The following ADAMTS17 variants were observed in gnomAD, a reference collection of about 807,000 sequenced individuals.
ADAMTS17 encodes the protein ADAM metallopeptidase with thrombospondin type 1 motif 17, also known as A disintegrin and metalloproteinase with thrombospondin motifs 17.
ADAMTS17 carries 113 observed loss-of-function variants against 141.5 expected under a neutral mutation model. The ratio of observed to expected loss-of-function variants is 0.80; its 90% CI spans 0.69 to 0.93. The LOEUF is 0.93. Among genes scored for constraint, ADAMTS17 ranks in the 40% least tolerant of loss-of-function variants. ADAMTS17 has a pLI of 0.00. For missense variants in ADAMTS17, 1,659 were observed against 1,517.9 expected (o/e 1.09, Z -1.54); for synonymous variants, 768 against 630.6 (o/e 1.22, Z -3.27).
intron 4 of ADAMTS17, among the ~76,000 whole-genome samples, chr15:100,268,190 T>C (rs1405956807): frequency 6.6e-6 from 1 of 152,206 alleles, no homozygotes; most frequent in Non-Finnish European, 1.5e-5. Context: ...TTCTTTTATC[T>C]AGTTTACCAC....
At chr15:100,216,074 G>C (rs2041959955) in intron 7 of ADAMTS17, among the ~76,000 whole-genome samples, 2 of 152,204 alleles carry the variant, frequency 1.3e-5, no homozygotes, top group Non-Finnish European at 1.5e-5. Flanking sequence ...CTGCATTTGA[G>C]TCTCCCTCTG....
At chr15:100,164,905 G>A (rs879893552) in intron 8 of ADAMTS17, among the ~76,000 whole-genome samples, 2 of 152,156 alleles carry the variant, frequency 1.3e-5, no homozygotes, top group Non-Finnish European at 2.9e-5. Flanking sequence ...CACCTCTGAA[G>A]GACAATCACT....
intron 18 of ADAMTS17, among the ~76,000 whole-genome samples, chr15:100,035,317 T>C (rs1273309439): frequency 6.6e-6 from 1 of 152,250 alleles, no homozygotes; most frequent in Non-Finnish European, 1.5e-5. Context: ...ATGTAAAACG[T>C]GATCATAAGG....
At chr15:100,261,706 C>T (rs2043524474) in intron 5 of ADAMTS17, 70 bp from the exon 6 acceptor site, 6 of 1,539,184 alleles carry the variant, frequency 3.9e-6, no homozygotes, top group African/African-American at 1.4e-5. Context: ...CAGACTATGA[C>T]AAGGACGTTA....
intron 18 of ADAMTS17, among the ~76,000 whole-genome samples, chr15:100,018,669 T>C (rs908444303): frequency 1.1e-4 from 17 of 152,336 alleles, no homozygotes; most frequent in African/African-American, 3.6e-4. Flanking sequence ...TGTGTGCCAA[T>C]GAAGCCTCTT....
intron 12 of ADAMTS17, among the ~76,000 whole-genome samples, chr15:100,125,839 A>G (rs1472992107): frequency 6.6e-6 from 1 of 152,078 alleles, no homozygotes; most frequent in African/African-American, 2.4e-5. Flanking sequence ...AAAAAAAATA[A>G]TTGTGTGTGG....
intron 7 of ADAMTS17, among the ~76,000 whole-genome samples, chr15:100,215,999 G>A (rs2041957172): frequency 6.6e-6 from 1 of 152,180 alleles, no homozygotes; most frequent in African/African-American, 2.4e-5. Context: ...GTAAGCCACA[G>A]GGAGATTTCT....
At chr15:99,987,540 C>A (rs2060613939) in intron 20 of ADAMTS17, among the ~76,000 whole-genome samples, 2 of 152,212 alleles carry the variant, frequency 1.3e-5, no homozygotes, top group African/African-American at 2.4e-5. Context: ...TTTAAAAAGG[C>A]AGTGGAACCC....
intron 18 of ADAMTS17, 91 bp downstream of exon 18, chr15:100,048,766 C>A: frequency 6.4e-7 from 1 of 1,560,324 alleles, no homozygotes; most frequent in Non-Finnish European, 8.8e-7. Context: ...TAGAGCAGTA[C>A]TGTGGCATTA....
At chr15:100,029,530 T>C (rs1405986576) in intron 18 of ADAMTS17, among the ~76,000 whole-genome samples, 1 of 152,166 alleles carries the variant, frequency 6.6e-6, no homozygotes, top group Non-Finnish European at 1.5e-5. Flanking sequence ...CCAGCTCCAG[T>C]CACCAGAGCT....
chr15:100,161,425 C>T (rs757413092), intron 8 of ADAMTS17, among the ~76,000 whole-genome samples: 11 of 152,014 alleles, frequency 7.2e-5, no homozygotes, highest in Admixed American at 1.3e-4. Flanking sequence ...AATGAATCCC[C>T]GGAGTGGGAT....
At chr15:100,292,582 C>CACTAACCCCGTGTGAAATTATGAGAGAT (rs2044683445) in intron 3 of ADAMTS17, among the ~76,000 whole-genome samples, 1 of 152,002 alleles carries the variant, frequency 6.6e-6, no homozygotes. Flanking sequence ...TTATGAGAGA[C>CACTAACCCCGTGTGAAATTATGAGAGAT]ACTAACCCCG....
intron 18 of ADAMTS17, among the ~76,000 whole-genome samples, chr15:100,047,393 C>T (rs1047547528): frequency 1.3e-5 from 2 of 150,802 alleles, no homozygotes; most frequent in African/African-American, 4.9e-5. Flanking sequence ...ACTCCCTCCC[C>T]TTTTGAAAAT....
intron 20 of ADAMTS17, among the ~76,000 whole-genome samples, chr15:99,988,329 G>A (rs965845301): frequency 1.3e-5 from 2 of 152,052 alleles, no homozygotes; most frequent in Non-Finnish European, 2.9e-5. Context: ...GTTTAAAAAA[G>A]TCTGGGGCCT....
At chr15:100,282,459 A>G (rs146643149) in intron 3 of ADAMTS17, among the ~76,000 whole-genome samples, 115 of 152,370 alleles carry the variant, frequency 7.5e-4, no homozygotes, top group African/African-American at 2.7e-3. Flanking sequence ...TCCTATGCAT[A>G]CATACCTACG....
At chr15:100,268,123 C>T (rs746253896) in intron 4 of ADAMTS17, among the ~76,000 whole-genome samples, 18 of 98,302 alleles carry the variant, frequency 1.8e-4, no homozygotes, top group Non-Finnish European at 3.3e-4. Flanking sequence ...CTGCAAAGGA[C>T]GTGAGTTGTT....
At chr15:100,048,829 G>T (rs752662618) in intron 18 of ADAMTS17, 28 bp downstream of exon 18, 2 of 1,614,086 alleles carry the variant, frequency 1.2e-6, no homozygotes, top group Non-Finnish European at 1.7e-6. Context: ...ACTCTGGTGG[G>T]TCCAAGCTAC....
chr15:99,998,832 T>C (rs779723286), intron 18 of ADAMTS17, among the ~76,000 whole-genome samples: 6 of 152,184 alleles, frequency 3.9e-5, no homozygotes, highest in Non-Finnish European at 8.8e-5. Context: ...TTTCTTGTCC[T>C]GCCTCATAAA....
At chr15:99,978,704 G>C (rs1241856233) in intron 20 of ADAMTS17, 2 of 152,248 alleles carry the variant, frequency 1.3e-5, no homozygotes, top group Non-Finnish European at 2.9e-5. Flanking sequence ...CGCGACTCCC[G>C]CCCTGCTGGT....
Sources: gnomAD v4.1 joint callset for allele counts (sites outside exome capture counted in the v4.1 genomes callset) on GRCh38, gnomAD v4.1.1 for gene constraint, MANE v1.5 for transcripts, NCBI Gene and HGNC (gene_info 2026-07-23, HGNC 2026-07-21) for gene names.